Variants in MITF observed in about 807,000 individuals in gnomAD.
MITF encodes melanocyte inducing transcription factor.
A neutral mutation model predicts 60.5 loss-of-function variants in MITF; 17 were observed. That is an observed-to-expected ratio of 0.28 (90% CI 0.19 to 0.42). The LOEUF (loss-of-function observed/expected upper bound fraction) is 0.42, where lower values mean the gene tolerates loss of function less well. MITF is among the 10% of genes least tolerant of loss of function. The probability of loss-of-function intolerance (pLI) is 1.00; values close to 1 mark genes in which losing one functional copy is unlikely to be tolerated. For missense variants in MITF, 622 were observed against 683.5 expected (o/e 0.91, Z 1.00); for synonymous variants, 260 against 248.5 (o/e 1.05, Z -0.43).
chr3:69,914,801 A>G (rs1575951698), intron 2 of MITF, among the ~76,000 whole-genome samples: 1 of 152,206 alleles, frequency 6.6e-6, no homozygotes, highest in Non-Finnish European at 1.5e-5. Flanking sequence ...TTTGCAACCC[A>G]TGACCTCATT....
intron 1 of MITF, among the ~76,000 whole-genome samples, chr3:69,798,624 T>C (rs909899807): frequency 3.3e-5 from 5 of 152,248 alleles, no homozygotes; most frequent in Non-Finnish European, 7.3e-5. Flanking sequence ...CTGTAGATTA[T>C]TGCAACAGCC....
At chr3:69,789,485 G>T (rs2062704605) in intron 1 of MITF, among the ~76,000 whole-genome samples, 1 of 152,074 alleles carries the variant, frequency 6.6e-6, no homozygotes, top group Non-Finnish European at 1.5e-5. Flanking sequence ...GAAAAATAAT[G>T]ACTCTTGTTG....
At chr3:69,918,853 C>G (rs570514729) in intron 2 of MITF, among the ~76,000 whole-genome samples, 1 of 152,284 alleles carries the variant, frequency 6.6e-6, no homozygotes, top group African/African-American at 2.4e-5. Context: ...AACTTATTCT[C>G]ATACTCTCCA....
At chr3:69,902,822 A>G (rs2065021669) in intron 2 of MITF, among the ~76,000 whole-genome samples, 1 of 152,214 alleles carries the variant, frequency 6.6e-6, no homozygotes, top group African/African-American at 2.4e-5. Flanking sequence ...TATTTAGGGA[A>G]GTACCTCTGA....
chr3:69,891,713 A>G (rs1411664285), intron 2 of MITF, among the ~76,000 whole-genome samples: 1 of 152,224 alleles, frequency 6.6e-6, no homozygotes, highest in Admixed American at 6.5e-5. Context: ...ATCCTTTAAC[A>G]TGTAAAGAGT....
At chr3:69,755,494 T>C (rs1275883880) in intron 1 of MITF, among the ~76,000 whole-genome samples, 1 of 132,012 alleles carries the variant, frequency 7.6e-6, no homozygotes, top group Non-Finnish European at 1.6e-5. Flanking sequence ...ATATAGCCAC[T>C]TTAGAGACTA....
chr3:69,936,978 G>A, intron 2 of MITF: 1 of 442,888 alleles, frequency 2.3e-6, no homozygotes, highest in East Asian at 3.6e-5. Context: ...CCTAGTGTGT[G>A]GCTAAACTAT....
intron 1 of MITF, among the ~76,000 whole-genome samples, chr3:69,841,288 A>G (rs62252233): frequency 0.16 from 25,078 of 152,248 alleles, 2,187 homozygotes; most frequent in Non-Finnish European, 0.21. Flanking sequence ...ATAGTAGGCA[A>G]TCTTCATGAC....
At chr3:69,909,013 G>T (rs557645973) in intron 2 of MITF, among the ~76,000 whole-genome samples, 14 of 152,052 alleles carry the variant, frequency 9.2e-5, no homozygotes, top group African/African-American at 2.9e-4. Flanking sequence ...AGGTTTTTTT[G>T]TTTGTTTGTT....
At chr3:69,961,748 C>T (rs2066555105) in intron 9 of MITF, among the ~76,000 whole-genome samples, 1 of 152,060 alleles carries the variant, frequency 6.6e-6, no homozygotes, top group East Asian at 1.9e-4. Flanking sequence ...AAAAAAGCAG[C>T]TTGTACTAAT....
At chr3:69,855,860 T>C (rs2063909836) in intron 1 of MITF, among the ~76,000 whole-genome samples, 3 of 152,030 alleles carry the variant, frequency 2.0e-5, no homozygotes, top group Non-Finnish European at 4.4e-5. Context: ...ACAGCCTTGA[T>C]TTTTTTTGTT....
chr3:69,852,784 C>A (rs889037860), intron 1 of MITF, among the ~76,000 whole-genome samples: 1 of 152,208 alleles, frequency 6.6e-6, no homozygotes, highest in Non-Finnish European at 1.5e-5. Context: ...GGAGCAGCAT[C>A]TGAGTGTGCC....
In MITF at chr3:69,853,432, T is replaced by C. The variant is rs562958241; in HGVS notation, c.105-25702T>C. Among the ~76,000 whole-genome samples the C allele has an allele frequency of 3.3e-5, 5 of 152,286 alleles. No homozygotes were observed. The East Asian group carries it at 9.6e-4, about 29-fold the overall frequency. ...CCCTATATGGCTTATTTTTTAACTT[T>C]TTCATTACTAACAATATTCAATATT... On this transcript the variant is annotated intron_variant, in intron 1 of 9. Transcript: ENST00000352241.
Position 69,941,273 on chromosome 3 carries a change from C to T in MITF, c.704C>T (p.Ser235Leu). ...ATCGATGACATCATTAGCCTAGAATCAAGTTATAATGAGGAAATCTTGGGC... is the reference window on the plus strand; with the variant it reads ...ATCGATGACATCATTAGCCTAGAATTAAGTTATAATGAGGAAATCTTGGGC... ...DVIDDIISLE[S>L]SYNEEILGLM... Residue 235 changes from serine to leucine, a missense_variant, in exon 5 of 10, where the codon TCA becomes TTA. Coordinates refer to ENST00000352241, the MANE Select transcript of MITF (RefSeq NM_001354604.2). 6.2e-7 allele frequency: 1 copy of T among 1,612,976 alleles called. No individual in the cohort carries two copies. The highest frequency in any genetic ancestry group is 2.2e-5 in the East Asian group (1 of 44,766).
At chr3:69,745,079 T>A (rs1390348713) in intron 1 of MITF, among the ~76,000 whole-genome samples, 1 of 152,140 alleles carries the variant, frequency 6.6e-6, no homozygotes, top group Non-Finnish European at 1.5e-5. Flanking sequence ...TGATATTAAT[T>A]ATAATTTTAA....
At chr3:69,917,662 C>A (rs1298495779) in intron 2 of MITF, among the ~76,000 whole-genome samples, 3 of 151,980 alleles carry the variant, frequency 2.0e-5, no homozygotes, top group African/African-American at 7.3e-5. Flanking sequence ...GATCCTACAA[C>A]ATGTAAAGAG....
chr3:69,782,559 C>T (rs1321899080), intron 1 of MITF, among the ~76,000 whole-genome samples: 3 of 152,126 alleles, frequency 2.0e-5, no homozygotes, highest in Admixed American at 1.3e-4. Context: ...AGCTGTGACT[C>T]GAACCCAGTC....
At chr3:69,787,547 T>C (rs1260940859) in intron 1 of MITF, among the ~76,000 whole-genome samples, 5 of 152,326 alleles carry the variant, frequency 3.3e-5, no homozygotes, top group Non-Finnish European at 7.4e-5. Flanking sequence ...TTTTGAAAAG[T>C]CTTGGTGTTT....
chr3:69,906,742 T>C (rs1391253436), intron 2 of MITF, among the ~76,000 whole-genome samples: 1 of 152,138 alleles, frequency 6.6e-6, no homozygotes, highest in African/African-American at 2.4e-5. Context: ...CTGAAGTGGA[T>C]TGTAGGATCT....
Sources: allele counts gnomAD v4.1 joint callset (sites outside exome capture counted in the v4.1 genomes callset), GRCh38; gene constraint gnomAD v4.1.1; transcripts MANE v1.5; gene names NCBI Gene and HGNC (gene_info 2026-07-23, HGNC 2026-07-21).